Variants in MEI4 observed in about 807,000 individuals in gnomAD.
MEI4 encodes the protein meiotic double-stranded break formation protein 4.
Under a neutral mutation model 31.4 loss-of-function variants are expected in MEI4, and 27 were observed. That is an observed-to-expected ratio of 0.86 (90% CI 0.63 to 1.19). MEI4 has a LOEUF of 1.19. MEI4 is among the 50% of genes most tolerant of loss of function. The pLI is 0.00. For missense variants in MEI4, 329 were observed against 398.9 expected, an observed-to-expected ratio of 0.82 and a Z score of 1.49; for synonymous variants, 122 against 145.4, an observed-to-expected ratio of 0.84 and a Z score of 1.16.
At chr6:77,862,976 G>A (rs1292286516) in intron 4 of MEI4, among the ~76,000 whole-genome samples, 1 of 152,166 alleles carries the variant, frequency 6.6e-6, no homozygotes, top group Non-Finnish European at 1.5e-5. Context: ...GTCTGGAGTG[G>A]ACCTCCAGCA....
intron 3 of MEI4, among the ~76,000 whole-genome samples, chr6:77,799,070 T>A: frequency 6.6e-6 from 1 of 152,182 alleles, no homozygotes; most frequent in Non-Finnish European, 1.5e-5. Context: ...ATCACCACAC[T>A]GACTTCCACA....
chr6:77,687,110 T>C (rs111669418), intron 1 of MEI4, among the ~76,000 whole-genome samples: 1 of 151,990 alleles, frequency 6.6e-6, no homozygotes, highest in African/African-American at 2.4e-5. Context: ...AGGTCATATG[T>C]AATATGACTA....
Position 77,847,605 on chromosome 6 carries a change from T to A in MEI4, c.900+18543T>A, listed in dbSNP as rs76309519. Among the ~76,000 whole-genome samples the A allele has an allele frequency of 0.017, 2,654 of 152,310 alleles. 82 individuals are homozygous for A. Among genetic ancestry groups the A allele is most frequent in the African/African-American group, 0.06 (2,502 of 41,562 alleles). On this transcript the variant is annotated intron_variant, in intron 4 of 4. Coordinates refer to ENST00000684080, the MANE Select transcript of MEI4 (RefSeq NM_001322247.2). This position sits in a 1 kb window ranked among gnomAD's most constrained non-coding sequence, Gnocchi z 4.6. ...ATTTTCTGATGCAATCGAAACCTAA[T>A]GCCTTCTATGAAGACTTCTCTAATC...
rs1312610828 is a variant in MEI4 at position 77,741,759 on chromosome 6, TCCCTCCC to T, written c.233-19360_233-19354del. ...GCATTAGGCATATCTCCTAATGCTA[TCCCTCCC>T]CCCTCCCCCCACCCCACAACAGTCC... On this transcript the variant is annotated intron_variant, in intron 2 of 4. Transcript: ENST00000684080. 1.4e-4 allele frequency among the ~76,000 whole-genome samples: 16 copies of T among 113,442 alleles called. No individual in the cohort carries two copies. In the East Asian group the frequency reaches 2.5e-3, roughly 18 times the overall value. The allele number at this position is 113,442 out of a possible 152,430, so 74.4% of individuals were successfully genotyped here.
chr6:77,803,040 T>C (rs1276453990), intron 3 of MEI4, among the ~76,000 whole-genome samples: 4 of 152,206 alleles, frequency 2.6e-5, no homozygotes, highest in African/African-American at 9.6e-5. Flanking sequence ...TTGGGGAAGT[T>C]CTCCTGGATA....
At chr6:77,737,949 A>T (rs546362304) in intron 2 of MEI4, among the ~76,000 whole-genome samples, 3 of 152,338 alleles carry the variant, frequency 2.0e-5, no homozygotes, top group African/African-American at 7.2e-5. Flanking sequence ...TTGAGATAGT[A>T]GCAAGGAAGG....
intron 2 of MEI4, among the ~76,000 whole-genome samples, chr6:77,759,073 G>A (rs886801439): frequency 6.6e-6 from 1 of 151,510 alleles, no homozygotes; most frequent in Non-Finnish European, 1.5e-5. Context: ...CTGGTGTTTT[G>A]TTTGTTTGTT....
In MEI4 at chr6:77,753,395, C is replaced by G. The variant is rs1385233804; in HGVS notation, c.233-7735C>G. On this transcript the variant is annotated intron_variant, in intron 2 of 4. Transcript: ENST00000684080. ...ATCCAGAATCTACAAAGAACTTAAA[C>G]AAATTTACAAGAAAAAAAAACAACC... Among the ~76,000 whole-genome samples, 5 of 151,380 alleles carry G rather than the reference C, an allele frequency of 3.3e-5. No individual in the cohort carries two copies. The East Asian group carries it at 9.8e-4, about 30-fold the overall frequency.
intron 3 of MEI4, among the ~76,000 whole-genome samples, chr6:77,795,844 G>A (rs1276620712): frequency 1.3e-5 from 2 of 151,308 alleles, no homozygotes; most frequent in East Asian, 1.9e-4. Flanking sequence ...ATTTACAGTA[G>A]AATTAATGCC....
chr6:77,741,474 C>G (rs1307766957), intron 2 of MEI4, among the ~76,000 whole-genome samples: 4 of 151,994 alleles, frequency 2.6e-5, no homozygotes, highest in Non-Finnish European at 5.9e-5. Flanking sequence ...TTCAAGAGAT[C>G]ATAATGATGT....
At chr6:77,659,002 C>T (rs983534683) in intron 1 of MEI4, among the ~76,000 whole-genome samples, 5 of 152,040 alleles carry the variant, frequency 3.3e-5, no homozygotes, top group East Asian at 1.9e-4. Context: ...GTCAAGGCCT[C>T]GGCGGTTTTG....
intron 3 of MEI4, among the ~76,000 whole-genome samples, chr6:77,805,218 C>T (rs149073751): frequency 6.6e-6 from 1 of 152,070 alleles, no homozygotes; most frequent in African/African-American, 2.4e-5. Context: ...CCATGTCACC[C>T]CTTCAGCCTT....
chr6:77,650,522 C>T (rs1402740823), upstream of MEI4, among the ~76,000 whole-genome samples: 1 of 152,198 alleles, frequency 6.6e-6, no homozygotes, highest in Non-Finnish European at 1.5e-5. Flanking sequence ...AGCGCCTGCT[C>T]CAGGGCTCCC....
chr6:77,741,690 A>C (rs1251662131), intron 2 of MEI4, among the ~76,000 whole-genome samples: 2 of 151,688 alleles, frequency 1.3e-5, no homozygotes, highest in African/African-American at 2.4e-5. Flanking sequence ...ACATATGTAC[A>C]CATGTGCCAT....
rs191349120 is a variant in MEI4 at position 77,654,184 on chromosome 6, C to T, written c.-15+1092C>T. On this transcript the variant is annotated intron_variant, in intron 1 of 4. Transcript: ENST00000684080. Reference sequence around the variant, plus strand: ...CAGTTTTCCAATCTCTGATTTACAGCATCTCTGAGATTTCTTACTGAACAG... The same window carrying T: ...CAGTTTTCCAATCTCTGATTTACAGTATCTCTGAGATTTCTTACTGAACAG... 5.2e-3 allele frequency among the ~76,000 whole-genome samples: 786 copies of T among 152,260 alleles called. 4 individuals are homozygous for T. The highest frequency in any genetic ancestry group is 6.3e-3 in the Non-Finnish European group (427 of 68,026).
rs570185624 is a variant in MEI4, at chr6:77,883,717, G to GATATATAT, written c.901-39352_901-39345dup. On this transcript the variant is annotated intron_variant, in intron 4 of 4. Transcript: ENST00000684080. ...TATGCAATGAAATGCTATTATGTAAGATATATATATATATATATATATATA... is the reference window on the plus strand; with the variant it reads ...TATGCAATGAAATGCTATTATGTAAGATATATATATATATATATATATATATATATATA... Among the ~76,000 whole-genome samples the GATATATAT allele has an allele frequency of 2.1e-3, 90 of 43,324 alleles. 1 individual carries two copies. In the East Asian group the frequency reaches 0.027, roughly 13 times the overall value. The allele number at this position is 43,324 out of a possible 152,430, so 28.4% of individuals were successfully genotyped here.
chr6:77,816,675 CAAATGGTATTTCTCGTTCTAGATCCCT>C (rs1171042128), intron 3 of MEI4, among the ~76,000 whole-genome samples: 3 of 152,132 alleles, frequency 2.0e-5, no homozygotes, highest in African/African-American at 7.2e-5. Context: ...ATGGCTGGGT[CAAATGGTATTTCTCGTTCTAGATCCCT>C]GAGGAATCGC....
At chr6:77,698,910 A>G (rs1170300363) in intron 2 of MEI4, among the ~76,000 whole-genome samples, 1 of 152,148 alleles carries the variant, frequency 6.6e-6, no homozygotes, top group Admixed American at 6.5e-5. Context: ...TACACCAATC[A>G]GACGTAGATT....
At chr6:77,750,319 G>T (rs916944737) in intron 2 of MEI4, among the ~76,000 whole-genome samples, 1 of 152,154 alleles carries the variant, frequency 6.6e-6, no homozygotes, top group Non-Finnish European at 1.5e-5. Context: ...AAATGACACA[G>T]ACTGGCAAAC....
Sources: gnomAD v4.1 joint callset for allele counts (sites outside exome capture counted in the v4.1 genomes callset) on GRCh38, gnomAD v4.1.1 for gene constraint, Gnocchi (gnomAD v3.1) non-coding constraint, MANE v1.5 for transcripts, NCBI Gene and HGNC (gene_info 2026-07-23, HGNC 2026-07-21) for gene names.